Variants in PIGU observed in about 807,000 individuals in gnomAD.
PIGU encodes the protein GPI-anchor transamidase component PIGU.
A neutral mutation model predicts 49.9 loss-of-function variants in PIGU; 24 were observed. That is an observed-to-expected ratio of 0.48 (90% CI 0.35 to 0.68). The LOEUF is 0.68. Among genes scored for constraint, PIGU ranks in the 30% least tolerant of loss-of-function variants. The probability of loss-of-function intolerance (pLI) is 0.01; values close to 1 mark genes in which losing one functional copy is unlikely to be tolerated. For missense variants in PIGU, 490 were observed against 532.6 expected, an observed-to-expected ratio of 0.92 and a Z score of 0.79; for synonymous variants, 220 against 205.7, an observed-to-expected ratio of 1.07 and a Z score of -0.59.
chr20:34,667,472 T>C (rs1987137549), intron 1 of PIGU, among the ~76,000 whole-genome samples: 1 of 151,670 alleles, frequency 6.6e-6, no homozygotes, highest in South Asian at 2.1e-4. Flanking sequence ...ATAAAGTGCT[T>C]TTAAAAAAAA....
At chr20:34,675,751 C>T (rs892568763) in intron 1 of PIGU, among the ~76,000 whole-genome samples, 3 of 152,178 alleles carry the variant, frequency 2.0e-5, no homozygotes, top group African/African-American at 4.8e-5. Flanking sequence ...CCATGGCTCA[C>T]GCCTGAAATC....
intron 7 of PIGU, among the ~76,000 whole-genome samples, chr20:34,598,832 T>C (rs1984300344): frequency 6.6e-6 from 1 of 152,188 alleles, no homozygotes; most frequent in Admixed American, 6.5e-5. Flanking sequence ...TAGATTCATA[T>C]TCCTTCTTCA....
intron 6 of PIGU, among the ~76,000 whole-genome samples, chr20:34,617,151 C>T (rs1262698822): frequency 5.9e-5 from 9 of 152,210 alleles, no homozygotes; most frequent in South Asian, 2.1e-4. Flanking sequence ...TAGGGCAATG[C>T]GGAAGCGAAA....
At chr20:34,601,416 A>T (rs977090925) in intron 7 of PIGU, among the ~76,000 whole-genome samples, 10 of 152,200 alleles carry the variant, frequency 6.6e-5, no homozygotes, top group Non-Finnish European at 1.5e-4. Context: ...AGTGAGGCAC[A>T]TCTAAAATTC....
intron 1 of PIGU, among the ~76,000 whole-genome samples, chr20:34,657,614 T>C (rs981894547): frequency 1.3e-5 from 2 of 152,066 alleles, no homozygotes; most frequent in African/African-American, 4.8e-5. Context: ...TGTGAGGAAA[T>C]GGGCAGTCAC....
At chr20:34,674,095 C>A (rs1987407653) in intron 1 of PIGU, among the ~76,000 whole-genome samples, 1 of 151,354 alleles carries the variant, frequency 6.6e-6, no homozygotes, top group Non-Finnish European at 1.5e-5. Context: ...GTGGCTCATG[C>A]CTGTAATCCC....
intron 2 of PIGU, among the ~76,000 whole-genome samples, chr20:34,646,690 G>A (rs1167093346): frequency 2.0e-5 from 3 of 152,274 alleles, no homozygotes; most frequent in Non-Finnish European, 4.4e-5. Flanking sequence ...ATTACAGGCA[G>A]GAGCCACTGT....
intron 7 of PIGU, among the ~76,000 whole-genome samples, chr20:34,614,233 G>T (rs1984923277): frequency 6.6e-6 from 1 of 151,920 alleles, no homozygotes; most frequent in African/African-American, 2.4e-5. Flanking sequence ...GGAGGTTGAG[G>T]GTGCAGTGAA....
rs1362342373 is a variant in PIGU at position 34,656,286 on chromosome 20, T to C, written c.195+894A>G. The stretch of plus-strand genomic sequence containing the variant: ...CGCGCCTGGCCTGTTTATAATTTTT[T>C]TTTTTTTTTTTTTTGAGACGGAGTC... On this transcript the variant is annotated intron_variant, in intron 2 of 11. Coordinates refer to ENST00000217446, the MANE Select transcript of PIGU (RefSeq NM_080476.5). Among the ~76,000 whole-genome samples the C allele has an allele frequency of 2.0e-5, 2 of 100,448 alleles. 1 individual carries two copies. Among genetic ancestry groups the C allele is most frequent in the East Asian group, 5.9e-4 (2 of 3,384 alleles). 65.9% of individuals were successfully genotyped at this position (100,448 alleles called of 152,430 possible). A position where few individuals can be genotyped will look rare whatever the true frequency, so the allele number is the denominator to read the frequency against.
intron 1 of PIGU, among the ~76,000 whole-genome samples, chr20:34,673,825 C>T (rs1048032747): frequency 6.6e-6 from 1 of 152,100 alleles, no homozygotes; most frequent in Admixed American, 6.5e-5. Flanking sequence ...GAGGCCAAGG[C>T]GGGCGGATCA....
chr20:34,634,182 C>G (rs1985884652), intron 6 of PIGU, among the ~76,000 whole-genome samples: 1 of 152,122 alleles, frequency 6.6e-6, no homozygotes, highest in Admixed American at 6.6e-5. Context: ...AGCAATCCTC[C>G]TGCCTCAGCC....
At chr20:34,650,678 T>G (rs1454540805) in intron 2 of PIGU, among the ~76,000 whole-genome samples, 1 of 149,682 alleles carries the variant, frequency 6.7e-6, no homozygotes, top group Non-Finnish European at 1.5e-5. Flanking sequence ...GCTTGGTAAT[T>G]TTTTTCCTTT....
At chr20:34,600,204 C>T (rs1319411752) in intron 7 of PIGU, among the ~76,000 whole-genome samples, 1 of 152,034 alleles carries the variant, frequency 6.6e-6, no homozygotes, top group African/African-American at 2.4e-5. Flanking sequence ...GTCAGAAGTT[C>T]GAGACCAACC....
intron 1 of PIGU, among the ~76,000 whole-genome samples, chr20:34,667,203 G>A (rs1332619540): frequency 6.6e-6 from 1 of 152,108 alleles, no homozygotes; most frequent in Non-Finnish European, 1.5e-5. Context: ...ATATCATCCT[G>A]TATAAGACAA....
intron 1 of PIGU, among the ~76,000 whole-genome samples, chr20:34,672,728 T>C (rs1324064058): frequency 6.6e-6 from 1 of 151,690 alleles, no homozygotes; most frequent in Non-Finnish European, 1.5e-5. Flanking sequence ...TGTGGGAGCA[T>C]GCACCAATCC....
At chr20:34,565,150 C>T (rs566905697) in intron 11 of PIGU, among the ~76,000 whole-genome samples, 3 of 152,296 alleles carry the variant, frequency 2.0e-5, no homozygotes, top group South Asian at 2.1e-4. Context: ...TTTGCATGGG[C>T]GAGTCAGCGG....
At chr20:34,609,299 C>T (rs1230282835) in intron 7 of PIGU, among the ~76,000 whole-genome samples, 1 of 152,092 alleles carries the variant, frequency 6.6e-6, no homozygotes, top group Non-Finnish European at 1.5e-5. Context: ...CAGAGTAAGA[C>T]CCTGTTACAA....
intron 1 of PIGU, 110 bp downstream of exon 1, chr20:34,676,846 G>T: frequency 7.4e-7 from 1 of 1,349,760 alleles, no homozygotes; most frequent in Non-Finnish European, 1.0e-6. Context: ...GAGACAGTCA[G>T]TTAGTTCTCT....
chr20:34,634,585 G>T, intron 6 of PIGU, 30 bp downstream of exon 6: 1 of 1,599,762 alleles, frequency 6.3e-7, no homozygotes, highest in Non-Finnish European at 8.5e-7. Context: ...ATCAGGGACT[G>T]ACCTTTGTAC....
Sources: gnomAD v4.1 joint callset for allele counts (sites outside exome capture counted in the v4.1 genomes callset) on GRCh38, gnomAD v4.1.1 for gene constraint, MANE v1.5 for transcripts, NCBI Gene and HGNC (gene_info 2026-07-23, HGNC 2026-07-21) for gene names.